Variants in DHCR7 observed in about 807,000 individuals in gnomAD.
DHCR7 encodes the protein 7-DHC reductase.
Under a neutral mutation model 43.3 loss-of-function variants are expected in DHCR7, and 40 were observed. That is an observed-to-expected ratio of 0.92 (90% confidence interval 0.72 to 1.20). The LOEUF (loss-of-function observed/expected upper bound fraction) is 1.20. Ranked by LOEUF, DHCR7 falls within the 50% of genes most tolerant of loss-of-function variation. The probability of loss-of-function intolerance (pLI) is 0.00; values close to 1 mark genes in which losing one functional copy is unlikely to be tolerated. For missense variants in DHCR7, 608 were observed against 644.6 expected (o/e 0.94, Z 0.62); for synonymous variants, 298 against 271.4 (o/e 1.10, Z -0.96).
intron 6 of DHCR7, among the ~76,000 whole-genome samples, chr11:71,439,556 C>T (rs562896540): frequency 2.6e-5 from 4 of 152,174 alleles, no homozygotes; most frequent in South Asian, 2.1e-4. Flanking sequence ...ATCACGCCAA[C>T]GTAGAGAATG....
chr11:71,437,214 C>G (rs1179561500), intron 8 of DHCR7, among the ~76,000 whole-genome samples: 1 of 152,250 alleles, frequency 6.6e-6, no homozygotes, highest in Non-Finnish European at 1.5e-5. Flanking sequence ...CACGTTGGTT[C>G]TCTCCACTTG....
chr11:71,438,694 A>G, intron 7 of DHCR7, 185 bp downstream of exon 7: 1 of 671,522 alleles, frequency 1.5e-6, no homozygotes, highest in South Asian at 1.7e-5. Context: ...GCTGGCAGAG[A>G]CAGGCACCCA....
At chr11:71,437,735 C>A in intron 8 of DHCR7, 77 bp downstream of exon 8, 1 of 1,600,406 alleles carries the variant, frequency 6.2e-7, no homozygotes, top group Non-Finnish European at 8.5e-7. Context: ...CCCCCAAGGA[C>A]AGACGCTTCT....
rs121912195 is a variant in DHCR7, at chr11:71,442,349, A to G, written c.326T>C (p.Leu109Pro). Residue 109 changes from leucine to proline, a missense_variant, in exon 5 of 9, where the codon CTT becomes CCT. Transcript: ENST00000355527. Reference sequence around the variant, plus strand: ...GAAGTCAGGGAGAGACGTGTACAGAAGCACCTGAAACACACAAGCAGCCTG... The same window carrying G: ...GAAGTCAGGGAGAGACGTGTACAGAGGCACCTGAAACACACAAGCAGCCTG... ...LYTLWVTFQV[L>P]LYTSLPDFCH... 1.2e-6 allele frequency: 2 copies of G among 1,613,538 alleles called. No homozygotes were observed. Among genetic ancestry groups the G allele is most frequent in the Non-Finnish European group, 1.7e-6 (2 of 1,179,778 alleles).
At chr11:71,447,756 A>T (rs1049570185) in intron 1 of DHCR7, 22 bp from the exon 2 acceptor site, 7 of 152,322 alleles carry the variant, frequency 4.6e-5, no homozygotes, top group African/African-American at 1.7e-4. Context: ...ACAAAAATGA[A>T]TAAGACCGCA....
chr11:71,428,957 C>T (rs921141822), intron 2 of DHCR7: 8 of 431,348 alleles, frequency 1.9e-5, no homozygotes. Context: ...GCCTCCTCCT[C>T]ACTTATCTAA....
intron 5 of DHCR7, 90 bp from the exon 6 acceptor site, chr11:71,441,530 G>T: frequency 8.8e-7 from 1 of 1,131,790 alleles, no homozygotes; most frequent in South Asian, 1.3e-5. Context: ...GGGGGCCCTG[G>T]TCACTTTCTG....
rs976157431 is a variant in DHCR7, at chr11:71,434,670, G to C, written c.*705C>G. 3.5e-5 allele frequency: 6 copies of C among 169,442 alleles called. No individual in the cohort carries two copies. The highest frequency in any genetic ancestry group is 6.5e-5 in the Non-Finnish European group (5 of 77,454). 10.5% of individuals were successfully genotyped at this position (169,442 alleles called of 1,614,324 possible). ...GCAAGCAGAAAATTCTTTCGAGAGG[G>C]TGGGCGCTCACAGGGAATCGGGAAG... On this transcript the variant is annotated 3_prime_UTR_variant, in exon 9 of 9. Transcript: ENST00000355527.
chr11:71,434,810 C>T lies in DHCR7; in HGVS notation c.*565G>A, dbSNP rs79320071. 6.5e-3 allele frequency: 2,020 copies of T among 313,106 alleles called. 44 individuals are homozygous for T. Among genetic ancestry groups the T allele is most frequent in the African/African-American group, 0.041 (1,887 of 45,708 alleles). The allele number at this position is 313,106 out of a possible 1,614,324, so 19.4% of individuals were successfully genotyped here. ...CTGTGCAGCAGGAGCAGGAAGGAAA[C>T]GACATGAAAGCCCCTTTCTCCCCAG... On this transcript the variant is annotated 3_prime_UTR_variant, in exon 9 of 9. Coordinates refer to ENST00000355527, the MANE Select transcript of DHCR7 (RefSeq NM_001360.3).
At position 71,435,034 on chromosome 11, in the gene DHCR7, T is replaced by A. The variant is rs1331663083; in HGVS notation, c.*341A>T. 2 of 515,964 alleles carry A rather than the reference T, an allele frequency of 3.9e-6. No homozygotes were observed. The highest frequency in any genetic ancestry group is 2.3e-5 in the Admixed American group (1 of 43,492). 32.0% of individuals were successfully genotyped at this position (515,964 alleles called of 1,614,324 possible). ...CGTGGGAAGACCTCCTGCTCACCAG[T>A]GTGGGCAGAGTGTAGCGTGGCCTGG... is the stretch of plus-strand genomic sequence containing the variant. On this transcript the variant is annotated 3_prime_UTR_variant, in exon 9 of 9. Coordinates refer to ENST00000355527, the MANE Select transcript of DHCR7 (RefSeq NM_001360.3).
chr11:71,442,366 A>G lies in DHCR7; in HGVS notation c.322-13T>C, dbSNP rs2135945643. On this transcript the variant is annotated splice_polypyrimidine_tract_variant and intron_variant, in intron 4 of 8. Transcript: ENST00000355527. The stretch of plus-strand genomic sequence containing the variant: ...TGTACAGAAGCACCTGAAACACACA[A>G]GCAGCCTGATCACCCCCCGCCTGGA... 1.9e-6 allele frequency: 3 copies of G among 1,608,616 alleles called. No individual in the cohort carries two copies. The highest frequency in any genetic ancestry group is 2.6e-6 in the Non-Finnish European group (3 of 1,175,452).
intron 6 of DHCR7, among the ~76,000 whole-genome samples, chr11:71,440,590 AGATG>A (rs948310005): frequency 2.1e-5 from 3 of 141,394 alleles, no homozygotes; most frequent in Non-Finnish European, 4.6e-5. Context: ...ATGGGAGGGT[AGATG>A]GATGGATGAT....
At chr11:71,430,395 A>G (rs1315088087), downstream of DHCR7, among the ~76,000 whole-genome samples, 10 of 152,262 alleles carry the variant, frequency 6.6e-5, no homozygotes, top group East Asian at 1.9e-3. Flanking sequence ...TCCATGCAGG[A>G]CCCGTGGCCA....
In DHCR7 at chr11:71,437,805, T is replaced by G. The variant is rs775201083; in HGVS notation, c.963+7A>C. ...CCCCGCTGGGCCAGCTCTGCCCACC[T>G]CCTCACCTGCAGCGTGTAAAGATAA... On this transcript the variant is annotated splice_region_variant and intron_variant, in intron 8 of 8. Coordinates refer to ENST00000355527, the MANE Select transcript of DHCR7 (RefSeq NM_001360.3). 1.2e-6 allele frequency: 2 copies of G among 1,613,710 alleles called. No homozygotes were observed.
rs1313146591 is a variant in DHCR7 at position 71,444,008 on chromosome 11, C to G, written c.306G>C (p.Leu102Phe). 3 of 1,611,976 alleles carry G rather than the reference C, an allele frequency of 1.9e-6. No homozygotes were observed. The highest frequency in any genetic ancestry group is 2.2e-5 in the South Asian group (2 of 90,798). ...GGCTGCTGACCTGGAAGGTGACCCA[C>G]AAGGTATAGAGCTGGGCGGCTTTCC... ...ITRKAAQLYT[L>F]WVTFQVLLYT... Residue 102 changes from leucine (L) to phenylalanine (F), a missense_variant, in exon 4 of 9, where the codon TTG (leucine) becomes TTC (phenylalanine). Transcript: ENST00000355527.
chr11:71,438,734 G>A (rs899808740), intron 7 of DHCR7, 145 bp downstream of exon 7: 7 of 861,040 alleles, frequency 8.1e-6, no homozygotes, highest in African/African-American at 3.3e-5. Context: ...AGTGCTCGCC[G>A]GCTGCTTCCT....
chr11:71,443,984 G>C lies in DHCR7; in HGVS notation c.321+9C>G. On this transcript the variant is annotated intron_variant, in intron 4 of 8. Transcript: ENST00000355527. ...GCTGTGTCCCAACCCCAGGGCAGGGGCTGCTGACCTGGAAGGTGACCCACA... is the reference window on the plus strand; with the variant it reads ...GCTGTGTCCCAACCCCAGGGCAGGGCCTGCTGACCTGGAAGGTGACCCACA... The C allele has an allele frequency of 6.2e-7, 1 of 1,607,718 alleles. No individual in the cohort carries two copies. Among genetic ancestry groups the C allele is most frequent in the Non-Finnish European group, 8.5e-7 (1 of 1,176,618 alleles).
chr11:71,435,796 TGCGGGGTGGACAGCTGC>T lies in DHCR7; in HGVS notation c.990_1006del (p.Gln331ArgfsTer220). 1 of 1,607,820 alleles carries T rather than the reference TGCGGGGTGGACAGCTGC, an allele frequency of 6.2e-7. No homozygotes were observed. Among genetic ancestry groups the T allele is most frequent in the Non-Finnish European group, 8.5e-7 (1 of 1,176,224 alleles). On this transcript the variant is annotated frameshift_variant, in exon 9 of 9. Coordinates refer to ENST00000355527, the MANE Select transcript of DHCR7 (RefSeq NM_001360.3). LOFTEE classifies it low-confidence loss of function (END_TRUNC). ...GCCCAGCAGCAGGACGCCCACGGCG[TGCGGGGTGGACAGCTGC>T]ACGGGGTGGTACACCAAGTACAGAC...
At position 71,444,843 on chromosome 11, in the gene DHCR7, C is replaced by A. The variant is rs776514909; in HGVS notation, c.98+12G>T. ...TTTACTTTCTAGCTGGGAGAACAGGCAAGATCCTTACCAGGCACGGCCCCA... is the reference window on the plus strand; with the variant it reads ...TTTACTTTCTAGCTGGGAGAACAGGAAAGATCCTTACCAGGCACGGCCCCA... On this transcript the variant is annotated intron_variant, in intron 3 of 8. Transcript: ENST00000355527. 2 of 1,612,006 alleles carry A rather than the reference C, an allele frequency of 1.2e-6. No individual in the cohort carries two copies. Among genetic ancestry groups the A allele is most frequent in the South Asian group, 2.2e-5 (2 of 91,040 alleles).
Sources: allele counts gnomAD v4.1 joint callset (sites outside exome capture counted in the v4.1 genomes callset), GRCh38; gene constraint gnomAD v4.1.1; transcripts MANE v1.5; gene names NCBI Gene and HGNC (gene_info 2026-07-23, HGNC 2026-07-21).